Variants in THADA observed in about 807,000 individuals in gnomAD.
THADA encodes THADA armadillo repeat containing.
In THADA, 213 loss-of-function variants were observed where a neutral mutation model predicts 219.8. That is an observed-to-expected ratio of 0.97 (90% confidence interval 0.87 to 1.09). The LOEUF is 1.09. Among genes scored for constraint, THADA ranks in the 50% least tolerant of loss-of-function variants. The probability of loss-of-function intolerance (pLI) is 0.00; values close to 1 mark genes in which losing one functional copy is unlikely to be tolerated. For synonymous variants in THADA, 1,018 were observed against 828.9 expected (o/e 1.23, Z -3.92); for missense variants, 2,956 against 2,311.3 (o/e 1.28, Z -5.72).
At chr2:43,298,960 C>G (rs910031904) in intron 31 of THADA, among the ~76,000 whole-genome samples, 1 of 152,132 alleles carries the variant, frequency 6.6e-6, no homozygotes, top group African/African-American at 2.4e-5. Flanking sequence ...CCAAAATGCT[C>G]TAAGATCGGA....
chr2:43,450,548 C>T (rs976314623), intron 26 of THADA, among the ~76,000 whole-genome samples: 2 of 150,932 alleles, frequency 1.3e-5, no homozygotes, highest in Non-Finnish European at 3.0e-5. Context: ...CATTTCACAG[C>T]AAAAAATAAA....
At chr2:43,514,700 T>A (rs1300130665) in intron 22 of THADA, among the ~76,000 whole-genome samples, 1 of 81,632 alleles carries the variant, frequency 1.2e-5, no homozygotes, top group Non-Finnish European at 2.1e-5. Flanking sequence ...ATAATATATA[T>A]AATATATATA....
At chr2:43,588,619 T>C (rs1701235909) in intron 4 of THADA, among the ~76,000 whole-genome samples, 1 of 152,178 alleles carries the variant, frequency 6.6e-6, no homozygotes, top group Non-Finnish European at 1.5e-5. Flanking sequence ...ACTAGTAATC[T>C]GGGATACACA....
chr2:43,455,683 G>GA lies in THADA; in HGVS notation c.3837-25382dup, dbSNP rs541379470. 3.1e-3 allele frequency among the ~76,000 whole-genome samples: 469 copies of GA among 152,342 alleles called. 4 individuals carry two copies. Among genetic ancestry groups the GA allele is most frequent in the African/African-American group, 0.011 (456 of 41,586 alleles). On this transcript the variant is annotated intron_variant, in intron 26 of 37. Coordinates refer to ENST00000405975, the MANE Select transcript of THADA (RefSeq NM_022065.5). ...CCTATCCTGAATAAGCAGTATTGCA[G>GA]AAAGGCATTTATGCAAAGGATAGGT...
chr2:43,508,564 C>T (rs1689991580), intron 23 of THADA, 84 bp downstream of exon 23: 1 of 1,368,200 alleles, frequency 7.3e-7, no homozygotes, highest in Non-Finnish European at 9.9e-7. Context: ...GTGTAATACG[C>T]TCACTCACAC....
At chr2:43,319,493 A>T (rs17406126) in intron 31 of THADA, among the ~76,000 whole-genome samples, 16,016 of 152,050 alleles carry the variant, frequency 0.11, 882 homozygotes, top group Admixed American at 0.14. Context: ...TCTGGGTGAG[A>T]CGGTTTTGCA....
At chr2:43,427,612 TTATATA>T (rs1342760295) in intron 28 of THADA, among the ~76,000 whole-genome samples, 1 of 147,550 alleles carries the variant, frequency 6.8e-6, no homozygotes, top group African/African-American at 2.5e-5. Context: ...TATATAATAG[TTATATA>T]TATAATAGTT....
chr2:43,362,729 C>G (rs1218592607), intron 29 of THADA, among the ~76,000 whole-genome samples: 1 of 152,074 alleles, frequency 6.6e-6, no homozygotes, highest in Non-Finnish European at 1.5e-5. Flanking sequence ...TTAGTTTGCT[C>G]TAACATTTTT....
chr2:43,476,057 C>CG (rs1396168651), intron 26 of THADA, among the ~76,000 whole-genome samples: 1 of 152,104 alleles, frequency 6.6e-6, no homozygotes, highest in African/African-American at 2.4e-5. Context: ...TCACGTGCTT[C>CG]GGGGAGGACC....
rs142139463 is a variant in THADA at position 43,275,804 on chromosome 2, C to T, written c.5296+3961G>A. Among the ~76,000 whole-genome samples, 18 of 152,342 alleles carry T rather than the reference C, an allele frequency of 1.2e-4. No homozygotes were observed. The East Asian group carries it at 3.5e-3, about 29-fold the overall frequency. ...TCACAAATTTGTACCTTCATGGGTTCCTCTCCTGCTGCTCTCATCCAGAAC... is the reference window on the plus strand; with the variant it reads ...TCACAAATTTGTACCTTCATGGGTTTCTCTCCTGCTGCTCTCATCCAGAAC... On this transcript the variant is annotated intron_variant, in intron 36 of 37. Coordinates refer to ENST00000405975, the MANE Select transcript of THADA (RefSeq NM_022065.5).
At chr2:43,237,650 C>T (rs1222261523) in intron 36 of THADA, among the ~76,000 whole-genome samples, 3 of 151,868 alleles carry the variant, frequency 2.0e-5, no homozygotes, top group Non-Finnish European at 4.4e-5. Context: ...CCACCCGCCT[C>T]GGCCTCCCAA....
chr2:43,373,044 T>A (rs556720095), intron 29 of THADA, among the ~76,000 whole-genome samples: 6 of 152,024 alleles, frequency 3.9e-5, no homozygotes, highest in Non-Finnish European at 7.4e-5. Flanking sequence ...AAAAACTTAT[T>A]TCTAATGCTA....
At position 43,575,034 on chromosome 2, in the gene THADA, A is replaced by G; in HGVS notation, c.1038-7T>C. 6.3e-7 allele frequency: 1 copy of G among 1,588,142 alleles called. No homozygotes were observed. The highest frequency in any genetic ancestry group is 8.6e-7 in the Non-Finnish European group (1 of 1,168,528). The stretch of plus-strand genomic sequence containing the variant: ...CAGCGTTGGCTCTTTAATCCTGAAG[A>G]AAAATGAGCCATGAGCCATTATTGT... On this transcript the variant is annotated splice_polypyrimidine_tract_variant and splice_region_variant and intron_variant, in intron 10 of 37. Coordinates refer to ENST00000405975, the MANE Select transcript of THADA (RefSeq NM_022065.5).
At chr2:43,451,845 G>A (rs969809871) in intron 26 of THADA, among the ~76,000 whole-genome samples, 8 of 152,152 alleles carry the variant, frequency 5.3e-5, no homozygotes, top group South Asian at 2.1e-4. Context: ...AGTGGCTCAC[G>A]CCTGTAATCC....
intron 22 of THADA, among the ~76,000 whole-genome samples, chr2:43,513,631 GAC>G (rs1309496059): frequency 1.3e-5 from 2 of 152,096 alleles, no homozygotes; most frequent in Admixed American, 1.3e-4. Flanking sequence ...TGTGAAGGGG[GAC>G]ACCCAAAATA....
At chr2:43,274,657 A>T (rs1202002234) in intron 36 of THADA, among the ~76,000 whole-genome samples, 1 of 152,150 alleles carries the variant, frequency 6.6e-6, no homozygotes, top group Non-Finnish European at 1.5e-5. Context: ...GATTTAATGC[A>T]TTCCCGCTAA....
At chr2:43,504,776 G>A (rs1233863593) in intron 24 of THADA, among the ~76,000 whole-genome samples, 1 of 152,152 alleles carries the variant, frequency 6.6e-6, no homozygotes, top group Non-Finnish European at 1.5e-5. Context: ...TCCAGCTACT[G>A]AGGAGGCTGA....
At chr2:43,465,490 C>A (rs1684127617) in intron 26 of THADA, among the ~76,000 whole-genome samples, 1 of 152,092 alleles carries the variant, frequency 6.6e-6, no homozygotes, top group African/African-American at 2.4e-5. Context: ...GGAGGAAGAG[C>A]CCACAAAGTA....
rs747591503 is a variant in THADA, at chr2:43,572,875, G to T, written c.1847C>A (p.Thr616Asn). Residue 616 changes from threonine (T) to asparagine (N), a missense_variant, in exon 12 of 38, where the codon ACC becomes AAC. Transcript: ENST00000405975. ...TGCATCAGACACGAGGTTCTCCCAG[G>T]TATCAGTTGCAGACTGAAGATGTCC... The part of the protein sequence containing the change: ...AHGHLQSATD[T>N]WENLVSDARI... The T allele has an allele frequency of 6.2e-7, 1 of 1,613,906 alleles. No homozygotes were observed. Among genetic ancestry groups the T allele is most frequent in the Non-Finnish European group, 8.5e-7 (1 of 1,179,858 alleles).
Sources: gnomAD v4.1 joint callset for allele counts (sites outside exome capture counted in the v4.1 genomes callset) on GRCh38, gnomAD v4.1.1 for gene constraint, MANE v1.5 for transcripts, NCBI Gene and HGNC (gene_info 2026-07-23, HGNC 2026-07-21) for gene names.